The following EFCAB6 variants were observed in gnomAD, a reference collection of about 807,000 sequenced individuals.
EFCAB6 encodes the protein EF-hand calcium binding domain 6.
EFCAB6 carries 156 observed loss-of-function variants against 169.8 expected under a neutral mutation model. That is an observed-to-expected ratio of 0.92 (90% CI 0.81 to 1.05). EFCAB6 has a LOEUF of 1.05. Among genes scored for constraint, EFCAB6 ranks in the 50% least tolerant of loss-of-function variants. The pLI is 0.00. For missense variants in EFCAB6, 1,800 were observed against 1,829.1 expected (o/e 0.98, Z 0.29); for synonymous variants, 698 against 676.4 (o/e 1.03, Z -0.50).
At chr22:43,750,240 G>A (rs2060709456) in intron 6 of EFCAB6, among the ~76,000 whole-genome samples, 1 of 152,090 alleles carries the variant, frequency 6.6e-6, no homozygotes, top group African/African-American at 2.4e-5. Context: ...ATAGGTCCTG[G>A]GGTAGAAGTA....
intron 11 of EFCAB6, among the ~76,000 whole-genome samples, chr22:43,684,098 C>T (rs2058101688): frequency 6.6e-6 from 1 of 152,158 alleles, no homozygotes; most frequent in African/African-American, 2.4e-5. Context: ...GAGACCAACT[C>T]ATCGGCCATC....
intron 8 of EFCAB6, among the ~76,000 whole-genome samples, chr22:43,727,397 C>T (rs2059777261): frequency 1.3e-5 from 2 of 152,124 alleles, no homozygotes; most frequent in Non-Finnish European, 2.9e-5. Flanking sequence ...CACTGCATTC[C>T]TGCCTGGGCA....
At chr22:43,538,017 T>C (rs1225850976) in intron 28 of EFCAB6, among the ~76,000 whole-genome samples, 1 of 152,214 alleles carries the variant, frequency 6.6e-6, no homozygotes, top group Non-Finnish European at 1.5e-5. Flanking sequence ...GTATTTCCTA[T>C]TTAAAAACAA....
At chr22:43,608,417 ATTTGCCACAGCAAGCACCCCTAGTCCAT>A (rs2053068756) in intron 22 of EFCAB6, 37 bp downstream of exon 22, 2 of 1,445,210 alleles carry the variant, frequency 1.4e-6, no homozygotes, top group Non-Finnish European at 1.9e-6. Context: ...ATTAGGCTGA[ATTTGCCACAGCAAGCACCCCTAGTCCAT>A]AAGAATGGAA....
At chr22:43,764,859 A>C (rs1238499839) in intron 5 of EFCAB6, among the ~76,000 whole-genome samples, 1 of 152,158 alleles carries the variant, frequency 6.6e-6, no homozygotes, top group Non-Finnish European at 1.5e-5. Flanking sequence ...AAAACTATGA[A>C]ATATTCAAGT....
chr22:43,544,732 T>C (rs752654867), intron 27 of EFCAB6, among the ~76,000 whole-genome samples: 2 of 152,124 alleles, frequency 1.3e-5, no homozygotes, highest in African/African-American at 4.8e-5. Context: ...AAAACCTCTT[T>C]CTGCTAAAAC....
At position 43,678,202 on chromosome 22, in the gene EFCAB6, A is replaced by C. The variant is rs769598777; in HGVS notation, c.1252-39T>G. ...TGTATATAAGGGAATTTTTGAAAAAAAAAAAAAAAGGAAGAAAAAGTGTTA... is the reference window on the plus strand; with the variant it reads ...TGTATATAAGGGAATTTTTGAAAAACAAAAAAAAAGGAAGAAAAAGTGTTA... On this transcript the variant is annotated intron_variant, in intron 12 of 31. Coordinates refer to ENST00000262726, the MANE Select transcript of EFCAB6 (RefSeq NM_022785.4). 10 of 1,564,910 alleles carry C rather than the reference A, an allele frequency of 6.4e-6. No homozygotes were observed. The Admixed American group carries it at 2.0e-4, about 31-fold the overall frequency.
intron 21 of EFCAB6, 97 bp from the exon 22 acceptor site, chr22:43,608,697 A>C: frequency 9.1e-7 from 1 of 1,101,790 alleles, no homozygotes; most frequent in Non-Finnish European, 1.4e-6. Flanking sequence ...ACTCTAAGGC[A>C]TCTGTATCCC....
At chr22:43,535,710 A>G (rs2047344058) in intron 29 of EFCAB6, 2 of 152,270 alleles carry the variant, frequency 1.3e-5, no homozygotes, top group South Asian at 4.1e-4. Flanking sequence ...ACATCCTGAA[A>G]GAACAGAATG....
intron 3 of EFCAB6, among the ~76,000 whole-genome samples, chr22:43,775,499 G>A (rs748217901): frequency 4.6e-5 from 7 of 152,102 alleles, no homozygotes; most frequent in Non-Finnish European, 1.0e-4. Context: ...CTGGAGTTCA[G>A]TGGCACAATC....
At chr22:43,663,577 C>G (rs540628865) in intron 17 of EFCAB6, among the ~76,000 whole-genome samples, 1 of 152,178 alleles carries the variant, frequency 6.6e-6, no homozygotes, top group Admixed American at 6.5e-5. Context: ...AAGCTTAAAC[C>G]GAACAAATCA....
In EFCAB6 at chr22:43,804,758, C is replaced by CAAA. The variant is rs57008458; in HGVS notation, c.-8+4234_-8+4236dup. ...CAGCCTGGGCAACAGAGCCCTGCCT[C>CAAA]AAAAAAAAAAAAAAAAAAAATCAGA... is the stretch of plus-strand genomic sequence containing the variant. On this transcript the variant is annotated intron_variant, in intron 2 of 31. Transcript: ENST00000262726. Among the ~76,000 whole-genome samples, 2 of 127,052 alleles carry CAAA rather than the reference C, an allele frequency of 1.6e-5. 1 individual carries two copies. Among genetic ancestry groups the CAAA allele is most frequent in the Non-Finnish European group, 3.3e-5 (2 of 61,200 alleles). The allele number at this position is 127,052 out of a possible 152,430, so 83.4% of individuals were successfully genotyped here. A position where few individuals can be genotyped will look rare whatever the true frequency, so the allele number is the denominator to read the frequency against.
At chr22:43,574,039 A>G (rs1409233935) in intron 26 of EFCAB6, among the ~76,000 whole-genome samples, 1 of 152,068 alleles carries the variant, frequency 6.6e-6, no homozygotes, top group Non-Finnish European at 1.5e-5. Context: ...GACTCCAGTT[A>G]TTTTATTTCT....
intron 23 of EFCAB6, among the ~76,000 whole-genome samples, chr22:43,594,275 C>CAAAAAAAA (rs750560174): frequency 2.0e-4 from 16 of 81,474 alleles, no homozygotes; most frequent in African/African-American, 3.2e-4. Context: ...AACTCTGTTT[C>CAAAAAAAA]AAAAAAAAAA....
chr22:43,596,096 T>C (rs960788807), intron 23 of EFCAB6, among the ~76,000 whole-genome samples: 1 of 151,984 alleles, frequency 6.6e-6, no homozygotes, highest in African/African-American at 2.4e-5. Context: ...GCAAAATACC[T>C]CAACACAATA....
chr22:43,664,729 T>A (rs977970798), intron 17 of EFCAB6, among the ~76,000 whole-genome samples: 1 of 152,138 alleles, frequency 6.6e-6, no homozygotes, highest in African/African-American at 2.4e-5. Flanking sequence ...GGCTGGAGTT[T>A]CTTGAGCAAG....
intron 24 of EFCAB6, among the ~76,000 whole-genome samples, chr22:43,589,870 A>G (rs1464137626): frequency 6.6e-6 from 1 of 152,220 alleles, no homozygotes. Context: ...CACATCAGGA[A>G]AAGTTATGCA....
At chr22:43,552,386 C>T (rs1355115541) in intron 27 of EFCAB6, 1 of 152,168 alleles carries the variant, frequency 6.6e-6, no homozygotes, top group African/African-American at 2.4e-5. Context: ...CAGTGTCATC[C>T]ACAATGGCTA....
At chr22:43,752,116 A>ATTTTT (rs33992120) in intron 6 of EFCAB6, among the ~76,000 whole-genome samples, 20 of 123,422 alleles carry the variant, frequency 1.6e-4, no homozygotes, top group South Asian at 2.7e-4. Flanking sequence ...TCTCCTTTCC[A>ATTTTT]TTTTTTTTTT....
Sources: gnomAD v4.1 joint callset for allele counts (sites outside exome capture counted in the v4.1 genomes callset) on GRCh38, gnomAD v4.1.1 for gene constraint, MANE v1.5 for transcripts, NCBI Gene and HGNC (gene_info 2026-07-23, HGNC 2026-07-21) for gene names.